EP300: variants seen among roughly 807,000 people sequenced by gnomAD.
EP300 encodes EP300 lysine acetyltransferase, also known as histone acetyltransferase p300.
Under a neutral mutation model 264.0 loss-of-function variants are expected in EP300, and 31 were observed. That is an observed-to-expected ratio of 0.12 (90% confidence interval 0.09 to 0.16). EP300 has a LOEUF of 0.16. Among genes scored for constraint, EP300 ranks in the 10% least tolerant of loss-of-function variants. The pLI is 1.00. For synonymous variants in EP300, 1,340 were observed against 1,045.4 expected (o/e 1.28, Z -5.44); for missense variants, 2,766 against 3,052.9 (o/e 0.91, Z 2.21).
At chr22:41,124,241 T>A (rs1306584876) in intron 2 of EP300, among the ~76,000 whole-genome samples, 2 of 152,168 alleles carry the variant, frequency 1.3e-5, no homozygotes, top group Non-Finnish European at 2.9e-5. Flanking sequence ...CGAGACTTTG[T>A]CTCAAAAACA....
At chr22:41,176,148 A>T (rs2059199156) in intron 29 of EP300, 99 bp from the exon 30 acceptor site, 2 of 1,380,522 alleles carry the variant, frequency 1.4e-6, no homozygotes, top group African/African-American at 1.4e-5. Flanking sequence ...TGAGCCCAGG[A>T]GGCAGAGGTT....
Position 41,094,623 on chromosome 22 carries a change from C to T in EP300, c.94+1525C>T, listed in dbSNP as rs567905951. Among the ~76,000 whole-genome samples, 8 of 152,256 alleles carry T rather than the reference C, an allele frequency of 5.3e-5. No individual in the cohort carries two copies. In the East Asian group the frequency reaches 1.5e-3, roughly 29 times the overall value. ...ACACATACACAAACGTCGTTGTATT[C>T]CTTTGCACCTACTAAAGTGCCATTC... On this transcript the variant is annotated intron_variant, in intron 1 of 30. Coordinates refer to ENST00000263253, the MANE Select transcript of EP300 (RefSeq NM_001429.4).
rs1440211388 is a variant in EP300, at chr22:41,173,703, C to T, written c.4698C>T (p.Gly1566=). ...AAAATAAGAGCAGCCTGAGTAGGGG[C>T]AACAAGAAGAAACCCGGGATGCCCA... ...TSKNKSSLSR[G]NKKKPGMPNV... Residue 1566 remains glycine (G), a synonymous_variant, in exon 29 of 31, where the codon GGC becomes GGT. Coordinates refer to ENST00000263253, the MANE Select transcript of EP300 (RefSeq NM_001429.4). 6.2e-7 allele frequency: 1 copy of T among 1,614,106 alleles called. No individual in the cohort carries two copies. The highest frequency in any genetic ancestry group is 1.1e-5 in the South Asian group (1 of 91,066).
intron 12 of EP300, 32 bp downstream of exon 12, chr22:41,147,978 C>T: frequency 2.1e-6 from 3 of 1,451,642 alleles, no homozygotes; most frequent in Non-Finnish European, 2.9e-6. Flanking sequence ...ATCTCTTTGG[C>T]CTTTACCTGG....
At chr22:41,154,922 T>G (rs2059068061) in intron 16 of EP300, 73 bp from the exon 17 acceptor site, 1 of 1,021,358 alleles carries the variant, frequency 9.8e-7, no homozygotes, top group South Asian at 1.3e-5. Flanking sequence ...TTTTAGAGCT[T>G]CAGGCTGAAT....
At chr22:41,119,177 T>A (rs1267760131) in intron 2 of EP300, among the ~76,000 whole-genome samples, 7 of 130,532 alleles carry the variant, frequency 5.4e-5, no homozygotes, top group African/African-American at 2.1e-4. Flanking sequence ...TTATTATTAT[T>A]TTTTTTTTTT....
rs532820983 is a variant in EP300 at position 41,101,536 on chromosome 22, C to G, written c.94+8438C>G. Among the ~76,000 whole-genome samples, 218 of 151,918 alleles carry G rather than the reference C, an allele frequency of 1.4e-3. 2 individuals are homozygous for G. Among genetic ancestry groups the G allele is most frequent in the Non-Finnish European group, 1.8e-3 (122 of 67,940 alleles). ...ATGCCATTCTCCTGCCTCAGCCTCCCTAGTGGCTGGGACTACAGGCACCCG... is the reference window on the plus strand; with the variant it reads ...ATGCCATTCTCCTGCCTCAGCCTCCGTAGTGGCTGGGACTACAGGCACCCG... On this transcript the variant is annotated intron_variant, in intron 1 of 30. Coordinates refer to ENST00000263253, the MANE Select transcript of EP300 (RefSeq NM_001429.4).
intron 9 of EP300, among the ~76,000 whole-genome samples, 178 bp from the exon 10 acceptor site, chr22:41,140,870 G>C (rs1022749399): frequency 1.3e-5 from 2 of 152,176 alleles, no homozygotes; most frequent in Non-Finnish European, 2.9e-5. Context: ...CGACTTAACT[G>C]TTGTTCACGG....
At position 41,149,152 on chromosome 22, in the gene EP300, A is replaced by G. The variant is rs2145736155; in HGVS notation, c.2356A>G (p.Ser786Gly). 1.2e-6 allele frequency: 2 copies of G among 1,613,998 alleles called. No homozygotes were observed. The highest frequency in any genetic ancestry group is 8.5e-7 in the Non-Finnish European group (1 of 1,180,016). Reference protein sequence around the residue: ...NVTNIPLAPSSGQAPVSQAQM... With the variant: ...NVTNIPLAPSGGQAPVSQAQM... ...AACAAATATCCCTTTGGCTCCGTCCAGCGGTCAAGCTCCAGTGTCTCAAGT... is the reference window on the plus strand; with the variant it reads ...AACAAATATCCCTTTGGCTCCGTCCGGCGGTCAAGCTCCAGTGTCTCAAGT... Residue 786 changes from serine (S) to glycine (G), a missense_variant, in exon 13 of 31, where the codon AGC (serine) becomes GGC (glycine). By Grantham distance (56) the Ser-to-Gly change is moderately conservative. Coordinates refer to ENST00000263253, the MANE Select transcript of EP300 (RefSeq NM_001429.4).
rs755466610 is a variant in EP300 at position 41,177,585 on chromosome 22, G to T, written c.5874G>T (p.Pro1958=). Residue 1958 remains proline, a synonymous_variant, in exon 31 of 31, where the codon CCG becomes CCT. Transcript: ENST00000263253. ...GGCCAATCCAACACCAGATGCCCCC[G>T]ATGACTCCCATGGCCCCCATGGGTA... ...FQRPIQHQMP[P]MTPMAPMGMN... is the part of the protein sequence containing the mutation. The T allele has an allele frequency of 8.1e-6, 13 of 1,614,004 alleles. No homozygotes were observed. In the East Asian group the frequency reaches 2.5e-4, roughly 30 times the overall value.
intron 2 of EP300, 83 bp from the exon 3 acceptor site, chr22:41,125,781 A>C: frequency 1.4e-6 from 2 of 1,433,860 alleles, no homozygotes; most frequent in Non-Finnish European, 1.9e-6. Context: ...TGTCTTTGTG[A>C]ACTTGGAAGT....
At chr22:41,146,250 C>T (rs778080696) in intron 10 of EP300, among the ~76,000 whole-genome samples, 3 of 151,810 alleles carry the variant, frequency 2.0e-5, no homozygotes, top group Admixed American at 6.6e-5. Flanking sequence ...CTGCAACCTC[C>T]GCCTTCCAGG....
Position 41,178,566 on chromosome 22 carries a change from C to G in EP300, c.6855C>G (p.Leu2285=), listed in dbSNP as rs191758012. The change falls in exon 31 of 31, where the codon CTC becomes CTG. Residue 2285 remains leucine, a synonymous_variant. Transcript: ENST00000263253. ...PNPMSPQQHM[L]PNQAQSPHLQ... is the part of the protein sequence containing the mutation. ...CCATGAGCCCCCAGCAGCATATGCT[C>G]CCAAATCAGGCCCAGTCCCCACACC... is the stretch of plus-strand genomic sequence containing the variant. The G allele has an allele frequency of 4.3e-6, 7 of 1,613,998 alleles. No homozygotes were observed. The highest frequency in any genetic ancestry group is 5.9e-6 in the Non-Finnish European group (7 of 1,180,030).
chr22:41,104,745 C>T (rs566361252), intron 1 of EP300, among the ~76,000 whole-genome samples: 7 of 152,092 alleles, frequency 4.6e-5, no homozygotes, highest in South Asian at 2.1e-4. Context: ...TAAGGCTGGG[C>T]GCAGTGGCCT....
At chr22:41,093,207 T>C in intron 1 of EP300, 109 bp downstream of exon 1, 1 of 1,094,672 alleles carries the variant, frequency 9.1e-7, no homozygotes, top group Admixed American at 2.3e-5. Context: ...TCCCTGCCCC[T>C]TAATTAATTT....
chr22:41,174,335 G>C (rs1433121645), intron 29 of EP300, among the ~76,000 whole-genome samples: 1 of 152,104 alleles, frequency 6.6e-6, no homozygotes, highest in African/African-American at 2.4e-5. Flanking sequence ...ATGCTGGGGT[G>C]GGAGGATCAC....
chr22:41,171,166 T>G (rs892890227), intron 27 of EP300, among the ~76,000 whole-genome samples: 1 of 146,912 alleles, frequency 6.8e-6, no homozygotes, highest in Non-Finnish European at 1.5e-5. Flanking sequence ...GGGGGGAGGG[T>G]GGGGATAGAG....
At chr22:41,133,179 C>CA (rs2058930691) in intron 6 of EP300, among the ~76,000 whole-genome samples, 1 of 137,692 alleles carries the variant, frequency 7.3e-6, no homozygotes. Flanking sequence ...ACCCCGGAAA[C>CA]AGAGTCTCGC....
chr22:41,109,930 C>T (rs1049159169), intron 1 of EP300, among the ~76,000 whole-genome samples: 2 of 151,404 alleles, frequency 1.3e-5, no homozygotes, highest in Non-Finnish European at 2.9e-5. Flanking sequence ...TCTCCTGCCC[C>T]GGCCTCCTGA....
Sources: gnomAD v4.1 joint callset for allele counts (sites outside exome capture counted in the v4.1 genomes callset) on GRCh38, gnomAD v4.1.1 for gene constraint, MANE v1.5 for transcripts, NCBI Gene and HGNC (gene_info 2026-07-23, HGNC 2026-07-21) for gene names.